Variants in SLCO5A1 observed in about 807,000 individuals in gnomAD.
SLCO5A1 encodes the protein solute carrier organic anion transporter family member 5A1.
SLCO5A1 carries 39 observed loss-of-function variants against 65.1 expected under a neutral mutation model. The ratio of observed to expected loss-of-function variants is 0.60; its 90% CI spans 0.46 to 0.78. The LOEUF (loss-of-function observed/expected upper bound fraction) is 0.78. SLCO5A1 is among the 30% of genes least tolerant of loss of function. SLCO5A1 has a pLI of 0.00. For synonymous variants in SLCO5A1, 438 were observed against 415.7 expected (o/e 1.05, Z -0.65); for missense variants, 1,029 against 1,069.4 (o/e 0.96, Z 0.53).
chr8:69,735,153 T>C (rs111785879), intron 5 of SLCO5A1, among the ~76,000 whole-genome samples: 1 of 152,126 alleles, frequency 6.6e-6, no homozygotes, highest in African/African-American at 2.4e-5. Flanking sequence ...TGGCGATTAT[T>C]AAAAAGTCAA....
chr8:69,819,244 C>CT lies in SLCO5A1; in HGVS notation c.907+12522dup, dbSNP rs549962815. On this transcript the variant is annotated intron_variant, in intron 2 of 9. Coordinates refer to ENST00000260126, the MANE Select transcript of SLCO5A1 (RefSeq NM_030958.3). Reference sequence around the variant, plus strand: ...ACCGGGCATGCTCAGCACAGCTCCTCTTTTTTGCCTCTTGGGAGTAAGTAT... The same window carrying CT: ...ACCGGGCATGCTCAGCACAGCTCCTCTTTTTTTGCCTCTTGGGAGTAAGTAT... 9.9e-5 allele frequency among the ~76,000 whole-genome samples: 15 copies of CT among 152,128 alleles called. No individual in the cohort carries two copies. The East Asian group carries it at 2.7e-3, about 28-fold the overall frequency.
At chr8:69,680,717 G>A (rs541439232) in intron 7 of SLCO5A1, among the ~76,000 whole-genome samples, 5 of 152,034 alleles carry the variant, frequency 3.3e-5, no homozygotes, top group African/African-American at 9.7e-5. Context: ...TGCTTTCCAC[G>A]GTGTCTAAGT....
chr8:69,755,711 A>G, intron 3 of SLCO5A1, 70 bp from the exon 4 acceptor site: 1 of 1,412,998 alleles, frequency 7.1e-7, no homozygotes, highest in African/African-American at 1.4e-5. Flanking sequence ...TTAGTAAAGC[A>G]GAAGTTTGTG....
chr8:69,764,769 C>G (rs180791895), intron 2 of SLCO5A1, among the ~76,000 whole-genome samples: 86 of 152,304 alleles, frequency 5.6e-4, no homozygotes, highest in African/African-American at 1.8e-3. Flanking sequence ...CAACTTAAAA[C>G]TGTAATGAGG....
At chr8:69,688,326 G>A (rs2130795144) in intron 6 of SLCO5A1, among the ~76,000 whole-genome samples, 1 of 147,278 alleles carries the variant, frequency 6.8e-6, no homozygotes, top group Middle Eastern at 3.5e-3. Context: ...TTTGAATGGT[G>A]CTAAAATTTT....
chr8:69,818,953 T>C (rs186545543), intron 2 of SLCO5A1, among the ~76,000 whole-genome samples: 1 of 152,186 alleles, frequency 6.6e-6, no homozygotes, highest in Non-Finnish European at 1.5e-5. Context: ...TTCAGCCTCA[T>C]GTTAGTTTTC....
chr8:69,788,283 C>T lies in SLCO5A1; in HGVS notation c.908-26408G>A, dbSNP rs146482597. ...TTTACTCTACCATTACAAGGGAAAA[C>T]TTGATTTAAAAAAAACAAAAGACTG... On this transcript the variant is annotated intron_variant, in intron 2 of 9. Coordinates refer to ENST00000260126, the MANE Select transcript of SLCO5A1 (RefSeq NM_030958.3). Among the ~76,000 whole-genome samples the T allele has an allele frequency of 3.3e-3, 506 of 152,198 alleles. 2 individuals carry two copies. The highest frequency in any genetic ancestry group is 0.014 in the Middle Eastern group (4 of 292).
At chr8:69,700,892 C>T (rs1306282443) in intron 6 of SLCO5A1, among the ~76,000 whole-genome samples, 10 of 151,860 alleles carry the variant, frequency 6.6e-5, no homozygotes. Context: ...ACAGCCTACA[C>T]AACCTTTTTG....
At chr8:69,789,451 G>C (rs1367210129) in intron 2 of SLCO5A1, among the ~76,000 whole-genome samples, 6 of 152,132 alleles carry the variant, frequency 3.9e-5, no homozygotes, top group Non-Finnish European at 8.8e-5. Flanking sequence ...AGACAGTAAG[G>C]GTCTTCTATG....
At chr8:69,729,141 G>A (rs377252904) in intron 5 of SLCO5A1, among the ~76,000 whole-genome samples, 3 of 152,248 alleles carry the variant, frequency 2.0e-5, no homozygotes, top group East Asian at 3.9e-4. Flanking sequence ...GGCAACTGGA[G>A]CATCAAAAAG....
At chr8:69,685,955 T>C (rs996472326) in intron 6 of SLCO5A1, among the ~76,000 whole-genome samples, 31 of 152,270 alleles carry the variant, frequency 2.0e-4, no homozygotes, top group Middle Eastern at 3.4e-3. Flanking sequence ...CAGCTAAGTA[T>C]GTAAGAACAC....
chr8:69,694,974 A>G (rs1814436250), intron 6 of SLCO5A1, among the ~76,000 whole-genome samples: 1 of 152,204 alleles, frequency 6.6e-6, no homozygotes, highest in Non-Finnish European at 1.5e-5. Context: ...GCCTCACTAT[A>G]TGAGTAACAT....
At chr8:69,797,594 G>A (rs1819556029) in intron 2 of SLCO5A1, among the ~76,000 whole-genome samples, 1 of 152,184 alleles carries the variant, frequency 6.6e-6, no homozygotes, top group South Asian at 2.1e-4. Context: ...ATACGTCCCT[G>A]AGGGCAGGCC....
rs141558233 is a variant in SLCO5A1 at position 69,687,393 on chromosome 8, G to A, written c.1623-5050C>T. On this transcript the variant is annotated intron_variant, in intron 6 of 9. Transcript: ENST00000260126. ...TATTCAAGGAAATTGTGATTACTGC[G>A]TCTAATTGTTATTTTTATCATTAAA... Among the ~76,000 whole-genome samples the A allele has an allele frequency of 3.4e-3, 518 of 152,264 alleles. 14 individuals carry two copies. Among genetic ancestry groups the A allele is most frequent in the Non-Finnish European group, 2.3e-3 (154 of 68,016 alleles).
At chr8:69,830,966 G>C (rs181991569) in intron 2 of SLCO5A1, among the ~76,000 whole-genome samples, 1 of 152,160 alleles carries the variant, frequency 6.6e-6, no homozygotes, top group Admixed American at 6.5e-5. Flanking sequence ...TCAAATTTTT[G>C]TTGTTGTTTT....
chr8:69,687,708 T>A (rs952460578), intron 6 of SLCO5A1, among the ~76,000 whole-genome samples: 3 of 152,128 alleles, frequency 2.0e-5, no homozygotes, highest in Non-Finnish European at 2.9e-5. Context: ...TTCTGGTCTT[T>A]TCTCAATGTA....
intron 4 of SLCO5A1, among the ~76,000 whole-genome samples, chr8:69,748,561 G>A (rs999524482): frequency 6.6e-6 from 1 of 152,142 alleles, no homozygotes; most frequent in African/African-American, 2.4e-5. Flanking sequence ...ATCCAAACCG[G>A]GAGAAAGAAT....
intron 2 of SLCO5A1, among the ~76,000 whole-genome samples, chr8:69,828,895 T>A (rs549027377): frequency 6.6e-6 from 1 of 152,288 alleles, no homozygotes; most frequent in East Asian, 1.9e-4. Flanking sequence ...GTTCTCCCTT[T>A]CGATAGGGTT....
chr8:69,720,968 G>A (rs1815788280), intron 5 of SLCO5A1, among the ~76,000 whole-genome samples: 2 of 152,214 alleles, frequency 1.3e-5, no homozygotes, highest in African/African-American at 2.4e-5. Flanking sequence ...TACAAAAACA[G>A]GAAGCAGGCT....
Sources: allele counts gnomAD v4.1 joint callset (sites outside exome capture counted in the v4.1 genomes callset), GRCh38; gene constraint gnomAD v4.1.1; transcripts MANE v1.5; gene names NCBI Gene and HGNC (gene_info 2026-07-23, HGNC 2026-07-21).